The following NOX4 variants were observed in gnomAD, a reference collection of about 807,000 sequenced individuals.
The protein encoded by NOX4 is kidney oxidase-1.
A neutral mutation model predicts 87.6 loss-of-function variants in NOX4; 69 were observed. That is an observed-to-expected ratio of 0.79 (90% CI 0.65 to 0.96). The LOEUF (loss-of-function observed/expected upper bound fraction) is 0.96, where lower values mean the gene tolerates loss of function less well. Among genes scored for constraint, NOX4 ranks in the 40% least tolerant of loss-of-function variants. The pLI, the probability that NOX4 is intolerant of heterozygous loss-of-function variation, is 0.00. For missense variants in NOX4, 680 were observed against 681.5 expected, an observed-to-expected ratio of 1.00 and a Z score of 0.02; for synonymous variants, 275 against 238.2, an observed-to-expected ratio of 1.15 and a Z score of -1.42.
At chr11:89,517,753 G>T in the NOX4 span, among the ~76,000 whole-genome samples, 1 of 151,900 alleles carries the variant, frequency 6.6e-6, no homozygotes, top group Non-Finnish European at 1.5e-5. Context: ...AAAATGCTGG[G>T]TGATTTCTTT....
chr11:89,420,371 G>A (rs1943018236), intron 8 of NOX4, among the ~76,000 whole-genome samples: 1 of 151,922 alleles, frequency 6.6e-6, no homozygotes, highest in Non-Finnish European at 1.5e-5. Flanking sequence ...GTCCTCTTCA[G>A]GAGCATAGCC....
chr11:89,405,570 C>T (rs560102937), intron 8 of NOX4, among the ~76,000 whole-genome samples: 2 of 151,184 alleles, frequency 1.3e-5, no homozygotes, highest in South Asian at 2.1e-4. Context: ...GTAACTCTTG[C>T]CACCAAAGAA....
At chr11:89,429,588 G>A (rs956309637) in intron 7 of NOX4, among the ~76,000 whole-genome samples, 13 of 152,054 alleles carry the variant, frequency 8.5e-5, no homozygotes, top group Admixed American at 2.6e-4. Flanking sequence ...ACACCTCTAC[G>A]CAAATAAACT....
chr11:89,535,440 A>T, the NOX4 span, among the ~76,000 whole-genome samples: 1 of 152,260 alleles, frequency 6.6e-6, no homozygotes, highest in African/African-American at 2.4e-5. Context: ...TAACTGTCCA[A>T]GAAACAGCAT....
intron 11 of NOX4, among the ~76,000 whole-genome samples, chr11:89,388,767 C>T (rs1940904463): frequency 6.6e-6 from 1 of 152,168 alleles, no homozygotes; most frequent in Non-Finnish European, 1.5e-5. Context: ...TCAGTTACTA[C>T]ATACTGAAGA....
intron 11 of NOX4, among the ~76,000 whole-genome samples, chr11:89,376,477 T>C (rs1939846848): frequency 6.6e-6 from 1 of 152,242 alleles, no homozygotes; most frequent in South Asian, 2.1e-4. Flanking sequence ...CAAGTATTGA[T>C]ATCTACAGCT....
chr11:89,447,839 C>T (rs1225792383), intron 4 of NOX4, among the ~76,000 whole-genome samples: 1 of 152,144 alleles, frequency 6.6e-6, no homozygotes, highest in Admixed American at 6.6e-5. Flanking sequence ...CCTCACTGAA[C>T]TGCTAATCCT....
At chr11:89,351,319 T>C (rs1232541485) in intron 13 of NOX4, among the ~76,000 whole-genome samples, 1 of 152,150 alleles carries the variant, frequency 6.6e-6, no homozygotes, top group Non-Finnish European at 1.5e-5. Flanking sequence ...AAGTGGTTCA[T>C]GAGGTTTAAG....
chr11:89,541,804 T>C, the NOX4 span, among the ~76,000 whole-genome samples: 3 of 152,176 alleles, frequency 2.0e-5, no homozygotes, highest in Non-Finnish European at 1.5e-5. Context: ...GCAAGAGTCT[T>C]CAAATTATAC....
chr11:89,456,558 G>A (rs569827272), intron 2 of NOX4, among the ~76,000 whole-genome samples: 3 of 152,270 alleles, frequency 2.0e-5, no homozygotes, highest in Admixed American at 2.0e-4. Context: ...TGAACTTGAG[G>A]AGGAAGCTGG....
chr11:89,545,910 A>G, the NOX4 span, among the ~76,000 whole-genome samples: 1 of 152,098 alleles, frequency 6.6e-6, no homozygotes, highest in Admixed American at 6.5e-5. Context: ...TGATATGGAA[A>G]ATGAGTCTGC....
In NOX4 at chr11:89,425,670, G is replaced by A. The variant is rs1474673747; in HGVS notation, c.549-3688C>T. On this transcript the variant is annotated intron_variant, in intron 7 of 17. Coordinates refer to ENST00000263317, the MANE Select transcript of NOX4 (RefSeq NM_016931.5). ...AAATGATTTGGGGGTAGGAGGAGGG[G>A]AATTAGTGAAGAAGAGCAAGAAGGA... 4.6e-5 allele frequency among the ~76,000 whole-genome samples: 7 copies of A among 151,892 alleles called. No homozygotes were observed. In the East Asian group the frequency reaches 1.3e-3, roughly 29 times the overall value.
intron 5 of NOX4, among the ~76,000 whole-genome samples, chr11:89,442,845 A>G (rs886323035): frequency 6.6e-6 from 1 of 152,198 alleles, no homozygotes; most frequent in East Asian, 1.9e-4. Context: ...AAAGTTATTA[A>G]AGACATGAAT....
chr11:89,450,105 TA>T (rs775417337), intron 3 of NOX4, among the ~76,000 whole-genome samples: 11 of 152,164 alleles, frequency 7.2e-5, no homozygotes, highest in Admixed American at 1.3e-4. Flanking sequence ...AATGATTAAA[TA>T]CTGAGAGACT....
chr11:89,578,165 CT>C, the NOX4 span, among the ~76,000 whole-genome samples: 51,446 of 140,364 alleles, frequency 0.37, 8,562 homozygotes, highest in African/African-American at 0.42. Flanking sequence ...TTATTTAAAT[CT>C]TTTTTTTTTT....
intron 6 of NOX4, among the ~76,000 whole-genome samples, chr11:89,433,420 T>G (rs1050373287): frequency 1.3e-5 from 2 of 152,042 alleles, no homozygotes; most frequent in African/African-American, 4.8e-5. Context: ...CATCAGTAAT[T>G]AATGCAACAG....
the NOX4 span, among the ~76,000 whole-genome samples, chr11:89,506,762 A>T: frequency 1.3e-5 from 2 of 151,906 alleles, no homozygotes; most frequent in Non-Finnish European, 2.9e-5. Flanking sequence ...CCAATGAAAA[A>T]TACAGATACC....
intron 2 of NOX4, among the ~76,000 whole-genome samples, chr11:89,465,739 A>C (rs182007520): frequency 6.6e-6 from 1 of 151,866 alleles, no homozygotes; most frequent in African/African-American, 2.4e-5. Flanking sequence ...AGCAATGATG[A>C]GCATTTTTTC....
intron 9 of NOX4, among the ~76,000 whole-genome samples, chr11:89,400,849 GTATA>G (rs35185652): frequency 6.7e-6 from 1 of 149,894 alleles, no homozygotes. Flanking sequence ...CATATAATAT[GTATA>G]TATATATATG....
Sources: gnomAD v4.1 joint callset for allele counts (sites outside exome capture counted in the v4.1 genomes callset) on GRCh38, gnomAD v4.1.1 for gene constraint, MANE v1.5 for transcripts, NCBI Gene and HGNC (gene_info 2026-07-23, HGNC 2026-07-21) for gene names.